GLIS3: variants seen among roughly 807,000 people sequenced by gnomAD.
GLIS3 encodes the protein zinc finger protein GLIS3.
In GLIS3, 53 loss-of-function variants were observed where a neutral mutation model predicts 78.6. The ratio of observed to expected loss-of-function variants is 0.67; its 90% CI spans 0.54 to 0.85. The LOEUF (loss-of-function observed/expected upper bound fraction) is 0.85, where lower values mean the gene tolerates loss of function less well. GLIS3 is among the 40% of genes least tolerant of loss of function. The pLI, the probability that GLIS3 is intolerant of heterozygous loss-of-function variation, is 0.00. For synonymous variants in GLIS3, 684 were observed against 509.9 expected (o/e 1.34, Z -4.60); for missense variants, 1,703 against 1,231.1 (o/e 1.38, Z -5.74).
At chr9:4,399,510 G>C in the GLIS3 span, among the ~76,000 whole-genome samples, 99 of 152,328 alleles carry the variant, frequency 6.5e-4, 1 homozygote, top group Non-Finnish European at 1.1e-3. Context: ...AGGAGGCAGA[G>C]GCAAGATCAA....
chr9:4,253,607 G>A lies in GLIS3; in HGVS notation c.388+32431C>T, dbSNP rs576519034. On this transcript the variant is annotated intron_variant, in intron 2 of 10. Transcript: ENST00000381971. ...TCCCTGGCTTCAGCCCCCTTTCCAGGTGAGTGAACGATTCTGTCTCGCTAG... is the reference window on the plus strand; with the variant it reads ...TCCCTGGCTTCAGCCCCCTTTCCAGATGAGTGAACGATTCTGTCTCGCTAG... Among the ~76,000 whole-genome samples the A allele has an allele frequency of 2.6e-5, 4 of 152,286 alleles. No individual in the cohort carries two copies. In the South Asian group the frequency reaches 8.3e-4, roughly 32 times the overall value.
the GLIS3 span, among the ~76,000 whole-genome samples, chr9:4,428,199 C>T: frequency 6.6e-6 from 1 of 151,880 alleles, no homozygotes. Flanking sequence ...AATAATAAGG[C>T]CAGGTGTGGT....
the GLIS3 span, among the ~76,000 whole-genome samples, chr9:4,452,873 G>A: frequency 2.6e-3 from 389 of 152,160 alleles, 1 homozygote; most frequent in African/African-American, 9.2e-3. Context: ...TAAGCAAAAA[G>A]GACAAAGCTG....
intron 2 of GLIS3, among the ~76,000 whole-genome samples, chr9:4,171,979 G>A (rs1586872447): frequency 6.6e-6 from 1 of 152,198 alleles, no homozygotes; most frequent in South Asian, 2.1e-4. Context: ...AACCAGAAGG[G>A]TTTTTTGTGG....
At chr9:3,863,374 T>C (rs1026373828) in intron 8 of GLIS3, among the ~76,000 whole-genome samples, 14 of 152,194 alleles carry the variant, frequency 9.2e-5, no homozygotes, top group Admixed American at 3.3e-4. Context: ...CAAGACCAGC[T>C]TTCAGTAAAG....
chr9:4,159,706 G>C (rs937911058), intron 2 of GLIS3, among the ~76,000 whole-genome samples: 1 of 147,804 alleles, frequency 6.8e-6, no homozygotes, highest in African/African-American at 2.5e-5. Flanking sequence ...GTGAAGAAGT[G>C]AGACTCCATT....
chr9:4,451,300 T>G, the GLIS3 span, among the ~76,000 whole-genome samples: 1 of 152,220 alleles, frequency 6.6e-6, no homozygotes, highest in Admixed American at 6.5e-5. Flanking sequence ...AAGAGCTAAC[T>G]GTCCTAAATA....
At chr9:4,419,356 C>T in the GLIS3 span, among the ~76,000 whole-genome samples, 2 of 152,136 alleles carry the variant, frequency 1.3e-5, no homozygotes, top group Admixed American at 1.3e-4. Context: ...TTAATTGGCT[C>T]ACCGTTCTGC....
rs148743050 is a variant in GLIS3, at chr9:4,197,535, A to G, written c.389-71594T>C. On this transcript the variant is annotated intron_variant, in intron 2 of 10. Coordinates refer to ENST00000381971, the MANE Select transcript of GLIS3 (RefSeq NM_001042413.2). The stretch of plus-strand genomic sequence containing the variant: ...GTTTCCCAGCTCCATGCCTAGGCAC[A>G]TATCTGGGCATTTGGTGTCCGCCCA... Among the ~76,000 whole-genome samples, 645 of 152,164 alleles carry G rather than the reference A, an allele frequency of 4.2e-3. 4 individuals carry two copies. The highest frequency in any genetic ancestry group is 7.4e-3 in the Non-Finnish European group (501 of 67,992).
intron 9 of GLIS3, among the ~76,000 whole-genome samples, chr9:3,844,923 A>G (rs577179191): frequency 2.0e-5 from 3 of 152,334 alleles, no homozygotes; most frequent in African/African-American, 7.2e-5. Flanking sequence ...GGGCCCTGTG[A>G]TGTGCTGCTG....
chr9:3,932,771 G>A, intron 5 of GLIS3: 3 of 431,032 alleles, frequency 7.0e-6, no homozygotes, highest in South Asian at 5.2e-5. Context: ...GAAATTATTA[G>A]TAAGCATCTC....
At chr9:4,270,266 T>A (rs1398294237) in intron 2 of GLIS3, among the ~76,000 whole-genome samples, 1 of 152,206 alleles carries the variant, frequency 6.6e-6, no homozygotes, top group African/African-American at 2.4e-5. Context: ...TTTTGCCTAA[T>A]TTTCTAGTAT....
At chr9:4,473,644 G>C in the GLIS3 span, among the ~76,000 whole-genome samples, 3 of 152,092 alleles carry the variant, frequency 2.0e-5, no homozygotes, top group African/African-American at 7.2e-5. Context: ...TTATCAGAGA[G>C]TGGAGGGTGG....
At chr9:3,923,216 A>C (rs867050848) in intron 6 of GLIS3, among the ~76,000 whole-genome samples, 3 of 152,178 alleles carry the variant, frequency 2.0e-5, no homozygotes, top group Admixed American at 1.3e-4. Context: ...CACTATAATT[A>C]TCTCTCTAAA....
chr9:4,133,682 T>C (rs935657511), intron 2 of GLIS3, among the ~76,000 whole-genome samples: 1 of 152,186 alleles, frequency 6.6e-6, no homozygotes, highest in African/African-American at 2.4e-5. Flanking sequence ...TAATAGGGCC[T>C]GGCACTTAAT....
At chr9:4,439,222 T>C in the GLIS3 span, among the ~76,000 whole-genome samples, 1 of 152,224 alleles carries the variant, frequency 6.6e-6, no homozygotes, top group Non-Finnish European at 1.5e-5. Flanking sequence ...TTTTCTATTT[T>C]CCAAGATTTC....
At chr9:4,316,065 C>CTATG (rs1416885384) in intron 2 of GLIS3, among the ~76,000 whole-genome samples, 1 of 152,138 alleles carries the variant, frequency 6.6e-6, no homozygotes, top group Admixed American at 6.5e-5. Context: ...ACATGCATAT[C>CTATG]TATGTATGTA....
intron 6 of GLIS3, among the ~76,000 whole-genome samples, chr9:3,907,098 GC>G (rs1261517892): frequency 6.6e-6 from 1 of 152,140 alleles, no homozygotes; most frequent in Admixed American, 6.5e-5. Context: ...TCCACACTGC[GC>G]CTCTCAGGGT....
At chr9:4,451,379 G>C in the GLIS3 span, among the ~76,000 whole-genome samples, 11 of 152,252 alleles carry the variant, frequency 7.2e-5, no homozygotes, top group Admixed American at 5.9e-4. Flanking sequence ...AAGAGACTTA[G>C]ACTCCCACAC....
Sources: allele counts gnomAD v4.1 joint callset (sites outside exome capture counted in the v4.1 genomes callset), GRCh38; gene constraint gnomAD v4.1.1; transcripts MANE v1.5; gene names NCBI Gene and HGNC (gene_info 2026-07-23, HGNC 2026-07-21).